ALMS1: variants seen among roughly 807,000 people sequenced by gnomAD.
ALMS1 encodes the protein centrosome-associated protein ALMS1.
A neutral mutation model predicts 352.2 loss-of-function variants in ALMS1; 271 were observed. That is an observed-to-expected ratio of 0.77 (90% CI 0.70 to 0.85). ALMS1 has a LOEUF of 0.85. Ranked by LOEUF, ALMS1 falls within the 40% of genes least tolerant of loss-of-function variation. The pLI is 0.00. For synonymous variants in ALMS1, 1,865 were observed against 1,761.2 expected (o/e 1.06, Z -1.48); for missense variants, 5,445 against 4,870.7 (o/e 1.12, Z -3.51).
At chr2:73,549,803 G>A (rs1457628566) in intron 12 of ALMS1, among the ~76,000 whole-genome samples, 2 of 152,008 alleles carry the variant, frequency 1.3e-5, no homozygotes, top group African/African-American at 4.8e-5. Flanking sequence ...TTTGACTGAC[G>A]TTTCCTTCTG....
intron 8 of ALMS1, 65 bp from the exon 9 acceptor site, chr2:73,455,097 G>C: frequency 6.5e-7 from 1 of 1,545,414 alleles, no homozygotes; most frequent in East Asian, 2.2e-5. Context: ...GATCTTCTGT[G>C]TTGCAATTGT....
chr2:73,434,274 G>A (rs938119841), intron 7 of ALMS1, among the ~76,000 whole-genome samples: 4 of 152,054 alleles, frequency 2.6e-5, no homozygotes, highest in Non-Finnish European at 4.4e-5. Flanking sequence ...TAAGCACTGT[G>A]TTAGCTGCAT....
At chr2:73,544,607 GA>G (rs979846229) in intron 12 of ALMS1, among the ~76,000 whole-genome samples, 16 of 152,144 alleles carry the variant, frequency 1.1e-4, no homozygotes, top group Non-Finnish European at 2.4e-4. Flanking sequence ...TTGCTGGTGG[GA>G]ATGTAAAATG....
chr2:73,427,191 A>G (rs545309672), intron 6 of ALMS1, among the ~76,000 whole-genome samples: 3 of 152,308 alleles, frequency 2.0e-5, no homozygotes, highest in South Asian at 4.1e-4. Flanking sequence ...CTGGTCTTCA[A>G]TGCACAAGCC....
At chr2:73,569,875 G>T (rs1252049138) in intron 15 of ALMS1, among the ~76,000 whole-genome samples, 4 of 152,148 alleles carry the variant, frequency 2.6e-5, no homozygotes, top group Non-Finnish European at 5.9e-5. Context: ...AAGGAGTTTG[G>T]GCTTTGTTCT....
intron 1 of ALMS1, among the ~76,000 whole-genome samples, chr2:73,401,532 C>G (rs1670871668): frequency 6.6e-6 from 1 of 152,052 alleles, no homozygotes; most frequent in Non-Finnish European, 1.5e-5. Context: ...TTGGGATTTT[C>G]CAGCTATTTT....
intron 1 of ALMS1, among the ~76,000 whole-genome samples, chr2:73,393,847 C>A (rs1460197371): frequency 1.4e-5 from 2 of 141,438 alleles, no homozygotes; most frequent in African/African-American, 5.3e-5. Flanking sequence ...AGATAGGTGT[C>A]TCTTTGTTGC....
intron 14 of ALMS1, among the ~76,000 whole-genome samples, chr2:73,557,957 C>T (rs190212834): frequency 1.3e-5 from 2 of 152,312 alleles, no homozygotes; most frequent in East Asian, 1.9e-4. Flanking sequence ...AGCTGTTGCT[C>T]TCTTGTTACT....
chr2:73,402,019 A>ATG (rs1216125995), intron 1 of ALMS1, among the ~76,000 whole-genome samples: 5 of 145,176 alleles, frequency 3.4e-5, no homozygotes, highest in Non-Finnish European at 7.5e-5. Context: ...CCTCGTGTGT[A>ATG]TGTGTGTGTG....
intron 7 of ALMS1, among the ~76,000 whole-genome samples, chr2:73,438,118 TTGTATTTAGCCAATCCAGATC>T (rs1671641806): frequency 6.6e-6 from 1 of 152,200 alleles, no homozygotes; most frequent in Non-Finnish European, 1.5e-5. Context: ...CTGTGCAGTG[TTGTATTTAGCCAATCCAGATC>T]TATCAGGCAG....
At chr2:73,437,603 C>T (rs1671629575) in intron 7 of ALMS1, among the ~76,000 whole-genome samples, 1 of 152,168 alleles carries the variant, frequency 6.6e-6, no homozygotes, top group African/African-American at 2.4e-5. Flanking sequence ...ACTGATGTAC[C>T]CAGTTGTACC....
At chr2:73,488,473 G>A (rs758074752) in intron 9 of ALMS1, among the ~76,000 whole-genome samples, 12 of 152,182 alleles carry the variant, frequency 7.9e-5, no homozygotes, top group East Asian at 5.8e-4. Context: ...CCAGATCCCC[G>A]AAAGTGCAGT....
intron 10 of ALMS1, among the ~76,000 whole-genome samples, chr2:73,492,349 G>T (rs1673008315): frequency 6.6e-6 from 1 of 152,172 alleles, no homozygotes; most frequent in South Asian, 2.1e-4. Flanking sequence ...ACTTAGATAT[G>T]CTATCCTACT....
At chr2:73,485,347 G>A (rs555994287) in intron 9 of ALMS1, among the ~76,000 whole-genome samples, 16 of 152,306 alleles carry the variant, frequency 1.1e-4, no homozygotes, top group African/African-American at 3.8e-4. Flanking sequence ...TGAGGTGTCA[G>A]TGTGCCCCTG....
At chr2:73,443,877 A>G (rs569274079) in intron 7 of ALMS1, among the ~76,000 whole-genome samples, 28 of 152,270 alleles carry the variant, frequency 1.8e-4, no homozygotes, top group African/African-American at 5.8e-4. Context: ...ATGAAGGCCT[A>G]TGGATTAGTG....
chr2:73,490,423 T>TTA lies in ALMS1; in HGVS notation c.8464_8465insTA (p.Ser2822LeufsTer34). The TTA allele has an allele frequency of 6.2e-7, 1 of 1,614,186 alleles. No homozygotes were observed. The highest frequency in any genetic ancestry group is 8.5e-7 in the Non-Finnish European group (1 of 1,180,030). On this transcript the variant is annotated frameshift_variant, in exon 10 of 23. Coordinates refer to ENST00000613296, the MANE Select transcript of ALMS1 (RefSeq NM_001378454.1). LOFTEE classifies it high-confidence loss of function. ...AAGATCAGATTTTACAGGCAGTCAT[T>TTA]CTGAGCCCAGTACCAGGGCAAATTG...
intron 1 of ALMS1, among the ~76,000 whole-genome samples, chr2:73,391,657 G>A (rs1392716085): frequency 1.3e-5 from 2 of 152,060 alleles, no homozygotes; most frequent in African/African-American, 2.4e-5. Flanking sequence ...CTATTTAGTC[G>A]TAGTGTGCTT....
intron 9 of ALMS1, among the ~76,000 whole-genome samples, chr2:73,466,990 T>C (rs1464999672): frequency 5.3e-5 from 8 of 152,166 alleles, no homozygotes; most frequent in Non-Finnish European, 4.4e-5. Context: ...CCCTACATCA[T>C]ACCTTACTAC....
At chr2:73,576,034 T>C (rs913323501) in intron 16 of ALMS1, among the ~76,000 whole-genome samples, 1 of 152,238 alleles carries the variant, frequency 6.6e-6, no homozygotes, top group Non-Finnish European at 1.5e-5. Flanking sequence ...TTCTTCTGCA[T>C]GTGAATATCC....
Sources: allele counts gnomAD v4.1 joint callset (sites outside exome capture counted in the v4.1 genomes callset), GRCh38; gene constraint gnomAD v4.1.1; transcripts MANE v1.5; gene names NCBI Gene and HGNC (gene_info 2026-07-23, HGNC 2026-07-21).